Variants in NPTN observed in about 807,000 individuals in gnomAD.
NPTN encodes neuroplastin.
A neutral mutation model predicts 42.7 loss-of-function variants in NPTN; 5 were observed. That is an observed-to-expected ratio of 0.12 (90% CI 0.06 to 0.25). The LOEUF (loss-of-function observed/expected upper bound fraction) is 0.25, where lower values mean the gene tolerates loss of function less well. Among genes scored for constraint, NPTN ranks in the 10% least tolerant of loss-of-function variants. The probability of loss-of-function intolerance (pLI) is 1.00; values close to 1 mark genes in which losing one functional copy is unlikely to be tolerated. For missense variants in NPTN, 307 were observed against 525.4 expected (o/e 0.58, Z 4.06); for synonymous variants, 180 against 201.9 (o/e 0.89, Z 0.92).
At chr15:73,566,701 A>AG (rs1418447403) in intron 6 of NPTN, among the ~76,000 whole-genome samples, 3 of 152,206 alleles carry the variant, frequency 2.0e-5, no homozygotes, top group Non-Finnish European at 4.4e-5. Context: ...CATGGATGGA[A>AG]GCCTAGAGGC....
chr15:73,612,341 C>T (rs988278457), intron 1 of NPTN, among the ~76,000 whole-genome samples: 5 of 151,102 alleles, frequency 3.3e-5, no homozygotes, highest in Non-Finnish European at 7.4e-5. Context: ...AACACCTGGA[C>T]CCAGGAGGTC....
intron 4 of NPTN, among the ~76,000 whole-genome samples, chr15:73,587,194 T>C (rs906468921): frequency 1.3e-5 from 2 of 152,204 alleles, no homozygotes; most frequent in Admixed American, 6.5e-5. Context: ...TTTTGACATA[T>C]AAAAACAGCA....
chr15:73,575,416 C>T (rs993153855), intron 4 of NPTN, among the ~76,000 whole-genome samples: 2 of 152,256 alleles, frequency 1.3e-5, no homozygotes, highest in African/African-American at 2.4e-5. Context: ...CACGCCCAGC[C>T]GGGTTACAGT....
chr15:73,585,414 CAT>C (rs1314058802), intron 4 of NPTN, among the ~76,000 whole-genome samples: 8 of 152,298 alleles, frequency 5.3e-5, no homozygotes, highest in African/African-American at 1.9e-4. Flanking sequence ...AACATACACA[CAT>C]GTACTACTCT....
At chr15:73,577,789 C>T (rs1448263409) in intron 4 of NPTN, among the ~76,000 whole-genome samples, 1 of 152,118 alleles carries the variant, frequency 6.6e-6, no homozygotes, top group Non-Finnish European at 1.5e-5. Flanking sequence ...GTGACCCCCA[C>T]CCAGGAACTG....
intron 1 of NPTN, among the ~76,000 whole-genome samples, chr15:73,608,623 G>A (rs1013463656): frequency 1.6e-5 from 2 of 124,626 alleles, no homozygotes; most frequent in African/African-American, 7.9e-5. Context: ...AAGCTATGAA[G>A]AGCATATTGG....
intron 4 of NPTN, among the ~76,000 whole-genome samples, chr15:73,582,876 G>A (rs1203070870): frequency 6.6e-6 from 1 of 152,112 alleles, no homozygotes; most frequent in Non-Finnish European, 1.5e-5. Flanking sequence ...TCCTTCTCCC[G>A]TGCTGGATGC....
At chr15:73,615,938 T>C (rs573037414) in intron 1 of NPTN, among the ~76,000 whole-genome samples, 3 of 152,268 alleles carry the variant, frequency 2.0e-5, no homozygotes, top group Non-Finnish European at 2.9e-5. Context: ...CACTCTATCA[T>C]GTACATATAC....
chr15:73,628,464 A>T (rs1898546875), intron 1 of NPTN, among the ~76,000 whole-genome samples: 1 of 152,160 alleles, frequency 6.6e-6, no homozygotes, highest in African/African-American at 2.4e-5. Flanking sequence ...TTCCAAAACT[A>T]CTCTGCATAA....
At position 73,597,005 on chromosome 15, in the gene NPTN, T is replaced by A. The variant is rs1168089616; in HGVS notation, c.439+17A>T. On this transcript the variant is annotated intron_variant, in intron 2 of 8. Coordinates refer to ENST00000345330, the MANE Select transcript of NPTN (RefSeq NM_012428.4). This position sits in a 1 kb window ranked among gnomAD's most constrained non-coding sequence, Gnocchi z 6.3. ...TCTAATGACTACAGTACTACTACTG[T>A]AGGGTGCTGGACTCACTCTGAAGGA... The A allele has an allele frequency of 1.2e-6, 2 of 1,603,964 alleles. No homozygotes were observed. Among genetic ancestry groups the A allele is most frequent in the Admixed American group, 1.7e-5 (1 of 59,466 alleles).
At chr15:73,605,303 T>G (rs1443330162) in intron 1 of NPTN, among the ~76,000 whole-genome samples, 1 of 151,782 alleles carries the variant, frequency 6.6e-6, no homozygotes, top group Non-Finnish European at 1.5e-5. Context: ...TTAACATGTT[T>G]CAAATAGAAA....
intron 3 of NPTN, among the ~76,000 whole-genome samples, chr15:73,588,198 C>T (rs894740015): frequency 6.6e-6 from 1 of 152,192 alleles, no homozygotes; most frequent in African/African-American, 2.4e-5. Flanking sequence ...CAAGATCATG[C>T]CAACGCACTC....
intron 2 of NPTN, among the ~76,000 whole-genome samples, chr15:73,593,061 T>C (rs1399332005): frequency 2.0e-5 from 3 of 152,160 alleles, no homozygotes; most frequent in African/African-American, 4.8e-5. Flanking sequence ...CCTTGTGTCC[T>C]GGGCAAGGTA....
chr15:73,605,966 G>A (rs994578845), intron 1 of NPTN, among the ~76,000 whole-genome samples: 1 of 151,984 alleles, frequency 6.6e-6, no homozygotes. Flanking sequence ...GGAGGCTGAC[G>A]CACAAGAATC....
Position 73,566,676 on chromosome 15 carries a change from G to A in NPTN, c.1115-3419C>T, listed in dbSNP as rs529312576. Reference sequence around the variant, plus strand: ...CCAACACAGAAGGTGCACCCAAGCAGGTGCCCAGCTGTGACATGGATGGAA... The same window carrying A: ...CCAACACAGAAGGTGCACCCAAGCAAGTGCCCAGCTGTGACATGGATGGAA... On this transcript the variant is annotated intron_variant, in intron 6 of 8. Transcript: ENST00000345330. 4.3e-4 allele frequency among the ~76,000 whole-genome samples: 66 copies of A among 152,326 alleles called. 1 individual carries two copies. In the Middle Eastern group the frequency reaches 0.031, roughly 71 times the overall value.
chr15:73,604,395 G>A (rs1247457285), intron 1 of NPTN, among the ~76,000 whole-genome samples: 1 of 152,318 alleles, frequency 6.6e-6, no homozygotes, highest in Non-Finnish European at 1.5e-5. Context: ...AGTTGAGGCT[G>A]CAGCATGCTG....
rs1025572417 is a variant in NPTN at position 73,570,959 on chromosome 15, G to T, written c.841-536C>A. 6.6e-6 allele frequency among the ~76,000 whole-genome samples: 1 copy of T among 152,188 alleles called. No individual in the cohort carries two copies. Among genetic ancestry groups the T allele is most frequent in the African/African-American group, 2.4e-5 (1 of 41,438 alleles). ...CTTTCCTTTCATTTAAGGACTAGAG[G>T]TTAGAGGAAAGGTTATTCAATCAAT... On this transcript the variant is annotated intron_variant, in intron 5 of 8. Transcript: ENST00000345330. The surrounding 1 kb of genome is among the most constrained non-coding windows in gnomAD (Gnocchi z 4.0).
intron 1 of NPTN, among the ~76,000 whole-genome samples, chr15:73,627,309 G>A (rs1219361265): frequency 6.6e-6 from 1 of 152,192 alleles, no homozygotes; most frequent in Non-Finnish European, 1.5e-5. Flanking sequence ...AGATTATTTG[G>A]TAGGAAGGCT....
intron 5 of NPTN, among the ~76,000 whole-genome samples, chr15:73,571,087 C>T (rs1037733145): frequency 7.2e-5 from 11 of 152,048 alleles, no homozygotes; most frequent in African/African-American, 2.7e-4. Context: ...TCAAGACTGG[C>T]CTTGGCAACA....
Sources: allele counts gnomAD v4.1 joint callset (sites outside exome capture counted in the v4.1 genomes callset), GRCh38; gene constraint gnomAD v4.1.1; non-coding constraint Gnocchi (gnomAD v3.1); transcripts MANE v1.5; gene names NCBI Gene and HGNC (gene_info 2026-07-23, HGNC 2026-07-21).